The following PNMA1 variants were observed in gnomAD, a reference collection of about 807,000 sequenced individuals.
PNMA1 encodes the protein PNMA family member 1, also known as paraneoplastic antigen Ma1.
In PNMA1, 21 loss-of-function variants were observed where a neutral mutation model predicts 26.1. The observed-to-expected ratio is 0.80, with a 90% confidence interval of 0.57 to 1.16. The LOEUF is 1.16. Among genes scored for constraint, PNMA1 ranks in the 50% most tolerant of loss-of-function variants. PNMA1 has a pLI of 0.00. For missense variants in PNMA1, 435 were observed against 437.3 expected (o/e 0.99, Z 0.05); for synonymous variants, 189 against 177.3 (o/e 1.07, Z -0.52).
In PNMA1 at chr14:73,713,445, T is replaced by C; in HGVS notation, c.195A>G (p.Leu65=). The C allele has an allele frequency of 1.9e-6, 3 of 1,614,188 alleles. No homozygotes were observed. The highest frequency in any genetic ancestry group is 1.6e-4 in the Middle Eastern group (1 of 6,062). The part of the protein sequence containing the change: ...FWREENAKAA[L]LELTGAVDYA... ...AATCTACAGCGCCAGTGAGCTCTAA[T>C]AAGGCTGCTTTCGCATTTTCTTCCC... Residue 65 remains leucine (L), a synonymous_variant, in exon 1 of 1, where the codon TTA becomes TTG. Coordinates refer to ENST00000316836, the MANE Select transcript of PNMA1 (RefSeq NM_006029.5).
rs370558827 is a variant in PNMA1, at chr14:73,713,073, C to T, written c.567G>A (p.Glu189=). The change falls in exon 1 of 1, where the codon GAG becomes GAA. Residue 189 remains glutamate, a synonymous_variant. Transcript: ENST00000316836. ...PWLEHTNEVL[E]EWQVSDVEKR... ...TTTCTACATCGGACACCTGCCACTCCTCTAGGACCTCATTAGTGTGCTCCA... is the reference window on the plus strand; with the variant it reads ...TTTCTACATCGGACACCTGCCACTCTTCTAGGACCTCATTAGTGTGCTCCA... The T allele has an allele frequency of 5.6e-6, 9 of 1,613,984 alleles. No homozygotes were observed. The highest frequency in any genetic ancestry group is 1.6e-4 in the Middle Eastern group (1 of 6,082).
In PNMA1 at chr14:73,712,845, G is replaced by A. The variant is rs2052831291; in HGVS notation, c.795C>T (p.Val265=). The A allele has an allele frequency of 1.9e-6, 3 of 1,614,116 alleles. No individual in the cohort carries two copies. The highest frequency in any genetic ancestry group is 4.5e-5 in the East Asian group (2 of 44,892). The change falls in exon 1 of 1, where the codon GTC becomes GTT. Residue 265 remains valine (V), a synonymous_variant. Coordinates refer to ENST00000316836, the MANE Select transcript of PNMA1 (RefSeq NM_006029.5). ...TCTGTAGCAGAGGCTCCAGACGAAT[G>A]ACATAAGCAGACAATTTTTCTCCCG... ...QNPGEKLSAY[V]IRLEPLLQKV...
chr14:73,712,455 C>CA lies in PNMA1; in HGVS notation c.*122dup, dbSNP rs2052826305. The CA allele has an allele frequency of 4.1e-6, 3 of 738,972 alleles. No homozygotes were observed. The highest frequency in any genetic ancestry group is 2.4e-5 in the Admixed American group (1 of 42,000). 45.8% of individuals were successfully genotyped at this position (738,972 alleles called of 1,614,324 possible). ...CTCAGGCCTGACTAACCTTCCCCTC[C>CA]AAAAAACAACAAAACAGAACAAGGC... On this transcript the variant is annotated 3_prime_UTR_variant, in exon 1 of 1. Coordinates refer to ENST00000316836, the MANE Select transcript of PNMA1 (RefSeq NM_006029.5).
chr14:73,712,603 T>C lies in PNMA1; in HGVS notation c.1037A>G (p.Gln346Arg), dbSNP rs753204195. ...EEEEAEATLL[Q>R]LGLEGHF ...TCAGAAGTGCCCTTCCAGGCCTAACTGCAGAAGGGTGGCCTCAGCCTCCTC... is the reference window on the plus strand; with the variant it reads ...TCAGAAGTGCCCTTCCAGGCCTAACCGCAGAAGGGTGGCCTCAGCCTCCTC... The change falls in exon 1 of 1, where the codon CAG becomes CGG. Residue 346 changes from glutamine (Q) to arginine (R), a missense_variant. Gln to Arg is a conservative substitution (Grantham distance 43). Coordinates refer to ENST00000316836, the MANE Select transcript of PNMA1 (RefSeq NM_006029.5). 1.1e-5 allele frequency: 17 copies of C among 1,608,998 alleles called. No individual in the cohort carries two copies. Among genetic ancestry groups the C allele is most frequent in the Non-Finnish European group, 5.1e-6 (6 of 1,177,560 alleles).
Position 73,712,544 on chromosome 14 carries a change from TCTAGGTCTGCA to T in PNMA1, c.*23_*33del, listed in dbSNP as rs758774151. The T allele has an allele frequency of 6.3e-6, 9 of 1,420,602 alleles. No individual in the cohort carries two copies. The highest frequency in any genetic ancestry group is 4.0e-5 in the Admixed American group (2 of 49,668). 88.0% of individuals were successfully genotyped at this position (1,420,602 alleles called of 1,614,324 possible). A position where few individuals can be genotyped will look rare whatever the true frequency, so the allele number is the denominator to read the frequency against. The stretch of plus-strand genomic sequence containing the variant: ...ACAGGGACAAGAAAAGTAGCTGTGA[TCTAGGTCTGCA>T]CTAAAGCTGCCTTTCCTGGCACTCA... On this transcript the variant is annotated 3_prime_UTR_variant, in exon 1 of 1. Transcript: ENST00000316836.
rs559919240 is a variant in PNMA1, at chr14:73,713,735, C to A, written c.-96G>T. 1.4e-5 allele frequency: 16 copies of A among 1,153,924 alleles called. No homozygotes were observed. In the South Asian group the frequency reaches 1.8e-4, roughly 13 times the overall value. The allele number at this position is 1,153,924 out of a possible 1,614,324, so 71.5% of individuals were successfully genotyped here. A position where few individuals can be genotyped will look rare whatever the true frequency, so the allele number is the denominator to read the frequency against. ...TACCAGACACTCCCACCAAGTAGGC[C>A]CGAGGGAGGCGACCTTCATGCAGTC... On this transcript the variant is annotated 5_prime_UTR_variant, in exon 1 of 1. Coordinates refer to ENST00000316836, the MANE Select transcript of PNMA1 (RefSeq NM_006029.5).
chr14:73,713,145 C>G lies in PNMA1; in HGVS notation c.495G>C (p.Ser165=). 6.2e-7 allele frequency: 1 copy of G among 1,612,126 alleles called. No individual in the cohort carries two copies. Among genetic ancestry groups the G allele is most frequent in the Non-Finnish European group, 8.5e-7 (1 of 1,178,884 alleles). The part of the protein sequence containing the change: ...SIWYKRLTLF[S]GRDIPGPGEE... ...CTCCAGGCCCTGGGATGTCCCTCCC[C>G]GAGAAAAGTGTCAGCCTCTTGTACC... Residue 165 remains serine, a synonymous_variant, in exon 1 of 1, where the codon TCG becomes TCC. Transcript: ENST00000316836.
chr14:73,713,226 T>C lies in PNMA1; in HGVS notation c.414A>G (p.Ala138=), dbSNP rs1202595266. 6 of 1,613,982 alleles carry C rather than the reference T, an allele frequency of 3.7e-6. No homozygotes were observed. The African/African-American group carries it at 5.3e-5, about 14-fold the overall frequency. The change falls in exon 1 of 1, where the codon GCA becomes GCG. Residue 138 remains alanine (A), a synonymous_variant. Coordinates refer to ENST00000316836, the MANE Select transcript of PNMA1 (RefSeq NM_006029.5). ...PTPTPGPEMP[A]EMLNYILDNV... is the part of the protein sequence containing the mutation. Reference sequence around the variant, plus strand: ...TATCCAAAATATAGTTTAGCATCTCTGCTGGCATCTCTGGGCCCGGGGTCG... The same window carrying C: ...TATCCAAAATATAGTTTAGCATCTCCGCTGGCATCTCTGGGCCCGGGGTCG...
In PNMA1 at chr14:73,713,248, G is replaced by A. The variant is rs142954366; in HGVS notation, c.392C>T (p.Thr131Ile). The A allele has an allele frequency of 1.5e-5, 24 of 1,614,070 alleles. No individual in the cohort carries two copies. Among genetic ancestry groups the A allele is most frequent in the South Asian group, 2.2e-5 (2 of 91,082 alleles). ...CTCTGCTGGCATCTCTGGGCCCGGG[G>A]TCGGAGTAGGGTTCTGAAACCCAAG... Reference protein sequence around the residue: ...RVLGFQNPTPTPGPEMPAEML... With the variant: ...RVLGFQNPTPIPGPEMPAEML... The change falls in exon 1 of 1, where the codon ACC becomes ATC. Residue 131 changes from threonine to isoleucine, a missense_variant. Physicochemically the swap from Thr to Ile is moderately conservative, Grantham distance 89. Coordinates refer to ENST00000316836, the MANE Select transcript of PNMA1 (RefSeq NM_006029.5).
rs1047012996 is a variant in PNMA1, at chr14:73,713,895, C to G, written c.-256G>C. ...GCCATCTTGCGTCTGGGTCTGGGTC[C>G]GGTCGGGTCCGCCGCCTGCAGCAGG... On this transcript the variant is annotated 5_prime_UTR_variant, in exon 1 of 1. Transcript: ENST00000316836. The G allele has an allele frequency of 1.3e-5, 5 of 371,024 alleles. No individual in the cohort carries two copies. Among genetic ancestry groups the G allele is most frequent in the Non-Finnish European group, 2.4e-5 (5 of 204,134 alleles). 23.0% of individuals were successfully genotyped at this position (371,024 alleles called of 1,614,324 possible). A position where few individuals can be genotyped will look rare whatever the true frequency, so the allele number is the denominator to read the frequency against.
Position 73,713,685 on chromosome 14 carries a change from C to A in PNMA1, c.-46G>T. 1 of 1,534,346 alleles carries A rather than the reference C, an allele frequency of 6.5e-7. No homozygotes were observed. Among genetic ancestry groups the A allele is most frequent in the South Asian group, 1.2e-5 (1 of 81,554 alleles). On this transcript the variant is annotated 5_prime_UTR_variant, in exon 1 of 1. Transcript: ENST00000316836. ...CAAATTCTACCAACAGACTGTGGCT[C>A]ACCGTGCTCCTGGCCTTAGAACAAT...
In PNMA1 at chr14:73,713,244, C is replaced by T; in HGVS notation, c.396G>A (p.Pro132=). The T allele has an allele frequency of 6.2e-7, 1 of 1,614,140 alleles. No homozygotes were observed. Among genetic ancestry groups the T allele is most frequent in the Non-Finnish European group, 8.5e-7 (1 of 1,180,032 alleles). ...VLGFQNPTPT[P]GPEMPAEMLN... ...GCATCTCTGCTGGCATCTCTGGGCC[C>T]GGGGTCGGAGTAGGGTTCTGAAACC... Residue 132 remains proline (P), a synonymous_variant, in exon 1 of 1, where the codon CCG becomes CCA. Coordinates refer to ENST00000316836, the MANE Select transcript of PNMA1 (RefSeq NM_006029.5).
chr14:73,713,596 A>C lies in PNMA1; in HGVS notation c.44T>G (p.Val15Gly), dbSNP rs772314536. ...LLEDWCRGMD[V>G]NSQRALLVWG... The stretch of plus-strand genomic sequence containing the variant: ...GACTAACAGAGCTCTCTGGGAGTTC[A>C]CATCCATCCCCCGGCACCAGTCTTC... The change falls in exon 1 of 1, where the codon GTG (valine) becomes GGG (glycine). Residue 15 changes from valine (V) to glycine (G), a missense_variant. By Grantham distance (109) the Val-to-Gly change is moderately radical (BLOSUM62 -3). Coordinates refer to ENST00000316836, the MANE Select transcript of PNMA1 (RefSeq NM_006029.5). 6.2e-7 allele frequency: 1 copy of C among 1,611,560 alleles called. No homozygotes were observed. Among genetic ancestry groups the C allele is most frequent in the South Asian group, 1.1e-5 (1 of 91,002 alleles).
Position 73,712,269 on chromosome 14 carries a change from T to A in PNMA1, c.*309A>T, listed in dbSNP as rs1425657794. The A allele has an allele frequency of 3.1e-6, 1 of 321,126 alleles. No individual in the cohort carries two copies. The highest frequency in any genetic ancestry group is 5.7e-6 in the Non-Finnish European group (1 of 174,876). 19.9% of individuals were successfully genotyped at this position (321,126 alleles called of 1,614,324 possible). A position where few individuals can be genotyped will look rare whatever the true frequency, so the allele number is the denominator to read the frequency against. ...AGTGTGGAATAAGAAGTGTCATAGG[T>A]TCGCGTGTTTTTCACAACTGATTAT... On this transcript the variant is annotated 3_prime_UTR_variant, in exon 1 of 1. Transcript: ENST00000316836.
Position 73,713,633 on chromosome 14 carries a change from T to A in PNMA1, c.7A>T (p.Met3Leu). Residue 3 changes from methionine (M) to leucine (L), a missense_variant, in exon 1 of 1, where the codon ATG (methionine) becomes TTG (leucine). Physicochemically the swap from Met to Leu is conservative, Grantham distance 15. Transcript: ENST00000316836. MA[M>L]TLLEDWCRGM... ...CGGCACCAGTCTTCCAACAGTGTCATCGCCATTTTCTCAACTATCAAGACG... is the reference window on the plus strand; with the variant it reads ...CGGCACCAGTCTTCCAACAGTGTCAACGCCATTTTCTCAACTATCAAGACG... 1 of 1,597,782 alleles carries A rather than the reference T, an allele frequency of 6.3e-7. No homozygotes were observed. Among genetic ancestry groups the A allele is most frequent in the Non-Finnish European group, 8.5e-7 (1 of 1,171,026 alleles).
chr14:73,712,414 G>A lies in PNMA1; in HGVS notation c.*164C>T, dbSNP rs2052825828. 11 of 609,660 alleles carry A rather than the reference G, an allele frequency of 1.8e-5. No homozygotes were observed. In the South Asian group the frequency reaches 2.0e-4, roughly 11 times the overall value. 37.8% of individuals were successfully genotyped at this position (609,660 alleles called of 1,614,324 possible). A position where few individuals can be genotyped will look rare whatever the true frequency, so the allele number is the denominator to read the frequency against. ...CACGGTGCTCGCTGGCACAATTTTAGAATGTTACATGAATACTCAGGCCTG... is the reference window on the plus strand; with the variant it reads ...CACGGTGCTCGCTGGCACAATTTTAAAATGTTACATGAATACTCAGGCCTG... On this transcript the variant is annotated 3_prime_UTR_variant, in exon 1 of 1. Transcript: ENST00000316836.
At position 73,713,166 on chromosome 14, in the gene PNMA1, G is replaced by T; in HGVS notation, c.474C>A (p.Tyr158Ter). 2 of 1,613,906 alleles carry T rather than the reference G, an allele frequency of 1.2e-6. No individual in the cohort carries two copies. Among genetic ancestry groups the T allele is most frequent in the Non-Finnish European group, 1.7e-6 (2 of 1,179,968 alleles). ...VIQPLVESIW[Y>*]KRLTLFSGRD... is the part of the protein sequence containing the mutation. ...TCCCCGAGAAAAGTGTCAGCCTCTT[G>T]TACCATATGGACTCAACAAGAGGCT... The change falls in exon 1 of 1, where the codon TAC (tyrosine) becomes TAA (stop). Residue 158 changes from tyrosine to a stop codon, truncating the protein, a stop_gained. Transcript: ENST00000316836. LOFTEE classifies it high-confidence loss of function.
Position 73,713,456 on chromosome 14 carries a change from T to A in PNMA1, c.184A>T (p.Lys62Ter). 1 of 1,614,188 alleles carries A rather than the reference T, an allele frequency of 6.2e-7. No homozygotes were observed. The highest frequency in any genetic ancestry group is 8.5e-7 in the Non-Finnish European group (1 of 1,180,044). Residue 62 changes from lysine (K) to a stop codon, truncating the protein, a stop_gained, in exon 1 of 1, where the codon AAA becomes TAA. Transcript: ENST00000316836. LOFTEE classifies it high-confidence loss of function. Reference sequence around the variant, plus strand: ...CCAGTGAGCTCTAATAAGGCTGCTTTCGCATTTTCTTCCCTCCAGAACATT... The same window carrying A: ...CCAGTGAGCTCTAATAAGGCTGCTTACGCATTTTCTTCCCTCCAGAACATT... ...GRMFWREENA[K>*]AALLELTGAV...
rs1419207319 is a variant in PNMA1, at chr14:73,712,312, C to A, written c.*266G>T. 2 of 430,620 alleles carry A rather than the reference C, an allele frequency of 4.6e-6. No individual in the cohort carries two copies. The highest frequency in any genetic ancestry group is 3.5e-5 in the East Asian group (1 of 28,512). 26.7% of individuals were successfully genotyped at this position (430,620 alleles called of 1,614,324 possible). ...CTGATTATGATGTCCATGATGACAG[C>A]GTGCACTAAGCGCTGTGTCCAACCA... On this transcript the variant is annotated 3_prime_UTR_variant, in exon 1 of 1. Transcript: ENST00000316836.
Sources: gnomAD v4.1 joint callset for allele counts on GRCh38, gnomAD v4.1.1 for gene constraint, MANE v1.5 for transcripts, NCBI Gene and HGNC (gene_info 2026-07-23, HGNC 2026-07-21) for gene names.